The following SMYD4 variants were observed in gnomAD, a reference collection of about 807,000 sequenced individuals.
SMYD4 encodes the protein SET and MYND domain containing 4, also known as protein-lysine N-methyltransferase SMYD4.
A neutral mutation model predicts 72.8 loss-of-function variants in SMYD4; 68 were observed. The observed-to-expected ratio is 0.93, with a 90% CI of 0.77 to 1.14. The LOEUF is 1.14. SMYD4 is among the 50% of genes most tolerant of loss of function. The pLI is 0.00. For synonymous variants in SMYD4, 407 were observed against 388.6 expected (o/e 1.05, Z -0.56); for missense variants, 984 against 1,003.7 (o/e 0.98, Z 0.27).
At chr17:1,821,326 C>T (rs565747492) in intron 2 of SMYD4, among the ~76,000 whole-genome samples, 3 of 151,910 alleles carry the variant, frequency 2.0e-5, no homozygotes, top group African/African-American at 7.2e-5. Context: ...ACCAGCCTGA[C>T]CAATATGGAG....
At chr17:1,796,582 G>A (rs1395767068) in intron 5 of SMYD4, among the ~76,000 whole-genome samples, 1 of 151,700 alleles carries the variant, frequency 6.6e-6, no homozygotes, top group Non-Finnish European at 1.5e-5. Flanking sequence ...GACTACAGGC[G>A]CCCGCTGCCA....
Position 1,801,012 on chromosome 17 carries a change from CTTT to C in SMYD4, c.379_381del (p.Lys127del). ...CCATGTGTCTGTGCTCTGTTAATGTCTTTAAGACACGTCTGAAAACAGAAAGAA... is the reference window on the plus strand; with the variant it reads ...CCATGTGTCTGTGCTCTGTTAATGTCAAGACACGTCTGAAAACAGAAAGAA... On this transcript the variant is annotated inframe_deletion, in exon 5 of 11. Transcript: ENST00000305513. 6.3e-7 allele frequency: 1 copy of C among 1,598,648 alleles called. No homozygotes were observed. Among genetic ancestry groups the C allele is most frequent in the Non-Finnish European group, 8.6e-7 (1 of 1,167,852 alleles).
intron 5 of SMYD4, among the ~76,000 whole-genome samples, chr17:1,799,368 A>G (rs1412923939): frequency 6.6e-6 from 1 of 152,004 alleles, no homozygotes; most frequent in African/African-American, 2.4e-5. Context: ...GAACGGAATC[A>G]AATAATTTTT....
At chr17:1,783,248 G>A in intron 9 of SMYD4, 90 bp from the exon 10 acceptor site, 1 of 1,611,544 alleles carries the variant, frequency 6.2e-7, no homozygotes, top group East Asian at 2.2e-5. Context: ...ACGAGAGGGG[G>A]AGCACCCTCA....
intron 7 of SMYD4, 101 bp from the exon 8 acceptor site, chr17:1,784,562 G>C: frequency 6.5e-7 from 1 of 1,530,936 alleles, no homozygotes. Flanking sequence ...TACCTCATGG[G>C]GGAAAGAGAC....
At position 1,779,919 on chromosome 17, in the gene SMYD4, G is replaced by A. The variant is rs1240684299; in HGVS notation, c.*1367C>T. 1 of 152,586 alleles carries A rather than the reference G, an allele frequency of 6.6e-6. No individual in the cohort carries two copies. Among genetic ancestry groups the A allele is most frequent in the Non-Finnish European group, 1.5e-5 (1 of 68,036 alleles). 9.5% of individuals were successfully genotyped at this position (152,586 alleles called of 1,614,324 possible). A position where few individuals can be genotyped will look rare whatever the true frequency, so the allele number is the denominator to read the frequency against. ...TACTAAAACCACAGGAATGTTCCAG[G>A]GAAACAGACTATCATCACTGAGCGA... On this transcript the variant is annotated 3_prime_UTR_variant, in exon 11 of 11. Coordinates refer to ENST00000305513, the MANE Select transcript of SMYD4 (RefSeq NM_052928.3).
chr17:1,787,029 G>C (rs561156814), intron 6 of SMYD4, 56 bp from the exon 7 acceptor site: 1 of 1,594,656 alleles, frequency 6.3e-7, no homozygotes, highest in African/African-American at 1.3e-5. Flanking sequence ...CAAACACTAC[G>C]TAAAAACCTT....
At chr17:1,818,477 CATT>C (rs771123130) in intron 2 of SMYD4, among the ~76,000 whole-genome samples, 10 of 152,162 alleles carry the variant, frequency 6.6e-5, no homozygotes, top group Non-Finnish European at 1.2e-4. Context: ...ACTATAATAT[CATT>C]ATCACTAAAA....
chr17:1,804,886 G>C (rs564371234), intron 3 of SMYD4, among the ~76,000 whole-genome samples, 171 bp from the exon 4 acceptor site: 1 of 152,192 alleles, frequency 6.6e-6, no homozygotes, highest in Non-Finnish European at 1.5e-5. Context: ...GCTGTGAAGA[G>C]CAAGTGAGGA....
In SMYD4 at chr17:1,783,443, C is replaced by G. The variant is rs374639152; in HGVS notation, c.2054G>C (p.Arg685Pro). ...TGCCCACAGGAAGCTCTCGGCGTCA[C>G]GCTGGCACCCCGACAGCCGCTGAAC... ...RAVQRLSGCQ[R>P]DAESFLWAEH... Residue 685 changes from arginine (R) to proline (P), a missense_variant, in exon 9 of 11, where the codon CGT becomes CCT. Coordinates refer to ENST00000305513, the MANE Select transcript of SMYD4 (RefSeq NM_052928.3). 2 of 1,611,854 alleles carry G rather than the reference C, an allele frequency of 1.2e-6. No individual in the cohort carries two copies. The highest frequency in any genetic ancestry group is 1.7e-6 in the Non-Finnish European group (2 of 1,179,624).
In SMYD4 at chr17:1,784,400, T is replaced by C. The variant is rs1002195229; in HGVS notation, c.1946A>G (p.His649Arg). ...SCAESAVSRDHLVSRLQDLQQ... is the reference protein window; with the variant it reads ...SCAESAVSRDRLVSRLQDLQQ... ...TAGGTCCTGTAACCGAGAGACCAGGTGGTCCCTGCTGACGGCGGATTCTGC... is the reference window on the plus strand; with the variant it reads ...TAGGTCCTGTAACCGAGAGACCAGGCGGTCCCTGCTGACGGCGGATTCTGC... The change falls in exon 8 of 11, where the codon CAC (histidine) becomes CGC (arginine). Residue 649 changes from histidine (H) to arginine (R), a missense_variant. His to Arg is a conservative substitution (Grantham distance 29). Coordinates refer to ENST00000305513, the MANE Select transcript of SMYD4 (RefSeq NM_052928.3). 1.9e-5 allele frequency: 31 copies of C among 1,614,016 alleles called. No individual in the cohort carries two copies. Among genetic ancestry groups the C allele is most frequent in the Non-Finnish European group, 2.5e-5 (30 of 1,180,018 alleles).
At position 1,784,638 on chromosome 17, in the gene SMYD4, TTCTAATG is replaced by T; in HGVS notation, c.1885-184_1885-178del. On this transcript the variant is annotated intron_variant, in intron 7 of 10. Transcript: ENST00000305513. ...TGTTTGATGGCGGCAATGGCGGCAA[TTCTAATG>T]AAGTGTATCAGCAGTAGCTGATCCC... is the stretch of plus-strand genomic sequence containing the variant. The T allele has an allele frequency of 1.2e-5, 11 of 917,688 alleles. No individual in the cohort carries two copies. The South Asian group carries it at 5.5e-4, about 46-fold the overall frequency. 56.8% of individuals were successfully genotyped at this position (917,688 alleles called of 1,614,324 possible).
Position 1,783,118 on chromosome 17 carries a change from G to T in SMYD4, c.2178C>A (p.Leu726=). 6.2e-7 allele frequency: 1 copy of T among 1,614,176 alleles called. No individual in the cohort carries two copies. Among genetic ancestry groups the T allele is most frequent in the South Asian group, 1.1e-5 (1 of 91,084 alleles). The change falls in exon 10 of 11, where the codon CTC becomes CTA. Residue 726 remains leucine (L), a synonymous_variant. Transcript: ENST00000305513. ...QKSATHLQRS[L]YVVEVRHGPS... ...GCCCGTGGCGAACCTCCACCACGTA[G>T]AGACTCCTCTGTAGATGGGTGGCTG... is the stretch of plus-strand genomic sequence containing the variant.
intron 2 of SMYD4, among the ~76,000 whole-genome samples, chr17:1,815,319 C>T (rs1374876441): frequency 6.6e-6 from 1 of 152,026 alleles, no homozygotes; most frequent in Non-Finnish European, 1.5e-5. Context: ...GCCTTGGCCT[C>T]CCAAAGTGCT....
Position 1,800,728 on chromosome 17 carries a change from C to T in SMYD4, c.666G>A (p.Arg222=). 1.2e-6 allele frequency: 2 copies of T among 1,614,210 alleles called. No individual in the cohort carries two copies. Among genetic ancestry groups the T allele is most frequent in the Non-Finnish European group, 1.7e-6 (2 of 1,180,038 alleles). The change falls in exon 5 of 11, where the codon AGG becomes AGA. Residue 222 remains arginine, a synonymous_variant. Transcript: ENST00000305513. ...LAKTLEDAAL[R]EENEQLSNAS... is the part of the protein sequence containing the mutation. ...CATTGGAAAGTTGTTCATTCTCCTC[C>T]CTCAGCGCTGCATCCTCAAGGGTTT...
intron 2 of SMYD4, 69 bp downstream of exon 2, chr17:1,827,792 T>C (rs1911268809): frequency 1.3e-6 from 2 of 1,550,092 alleles, no homozygotes; most frequent in Non-Finnish European, 1.8e-6. Flanking sequence ...GACACATTAC[T>C]TCAGAGCAAA....
Position 1,800,470 on chromosome 17 carries a change from C to A in SMYD4, c.924G>T (p.Pro308=). Residue 308 remains proline (P), a synonymous_variant, in exon 5 of 11, where the codon CCG becomes CCT. Transcript: ENST00000305513. ...RCLKHTLATV[P]CDGCSYAKYC... ...ACTTGGCATAACTGCATCCGTCACACGGAACTGTGGCCAAAGTGTGCTTCA... is the reference window on the plus strand; with the variant it reads ...ACTTGGCATAACTGCATCCGTCACAAGGAACTGTGGCCAAAGTGTGCTTCA... 1 of 1,614,150 alleles carries A rather than the reference C, an allele frequency of 6.2e-7. No individual in the cohort carries two copies. The highest frequency in any genetic ancestry group is 1.1e-5 in the South Asian group (1 of 91,078).
At chr17:1,808,739 C>T (rs1253143502) in intron 3 of SMYD4, among the ~76,000 whole-genome samples, 1 of 152,104 alleles carries the variant, frequency 6.6e-6, no homozygotes, top group African/African-American at 2.4e-5. Flanking sequence ...AAGAACTTCC[C>T]ATGTGATCAC....
intron 5 of SMYD4, among the ~76,000 whole-genome samples, chr17:1,792,018 T>C: frequency 6.6e-6 from 1 of 151,224 alleles, no homozygotes; most frequent in African/African-American, 2.4e-5. Context: ...TAACATGTTA[T>C]CTTTAAATCC....
Sources: allele counts gnomAD v4.1 joint callset (sites outside exome capture counted in the v4.1 genomes callset), GRCh38; gene constraint gnomAD v4.1.1; transcripts MANE v1.5; gene names NCBI Gene and HGNC (gene_info 2026-07-23, HGNC 2026-07-21).